The following CLYBL variants were observed in gnomAD, a reference collection of about 807,000 sequenced individuals.
CLYBL encodes citramalyl-CoA lyase.
In CLYBL, 31 loss-of-function variants were observed where a neutral mutation model predicts 38.9. That is an observed-to-expected ratio of 0.80 (90% confidence interval 0.60 to 1.08). The LOEUF is 1.08. CLYBL is among the 50% of genes least tolerant of loss of function. The pLI, the probability that CLYBL is intolerant of heterozygous loss-of-function variation, is 0.00. For synonymous variants in CLYBL, 171 were observed against 158.6 expected, an observed-to-expected ratio of 1.08 and a Z score of -0.59; for missense variants, 434 against 411.6, an observed-to-expected ratio of 1.05 and a Z score of -0.47.
intron 1 of CLYBL, among the ~76,000 whole-genome samples, chr13:99,641,540 G>A (rs1479533461): frequency 6.6e-6 from 1 of 151,586 alleles, no homozygotes; most frequent in African/African-American, 2.4e-5. Flanking sequence ...ACGGTGGCAG[G>A]CACCTGTAAT....
At chr13:99,731,206 A>T (rs1396949957) in intron 1 of CLYBL, among the ~76,000 whole-genome samples, 1 of 152,038 alleles carries the variant, frequency 6.6e-6, no homozygotes, top group Non-Finnish European at 1.5e-5. Context: ...AAAAATAAAC[A>T]TGGACAGAAA....
chr13:99,718,557 C>T (rs917408787), intron 1 of CLYBL, among the ~76,000 whole-genome samples: 2 of 152,066 alleles, frequency 1.3e-5, no homozygotes, highest in Non-Finnish European at 2.9e-5. Flanking sequence ...TTCCTGGACT[C>T]GTGTCTATGA....
At chr13:99,786,005 C>T (rs1362009370) in intron 2 of CLYBL, among the ~76,000 whole-genome samples, 3 of 151,912 alleles carry the variant, frequency 2.0e-5, no homozygotes, top group Admixed American at 6.6e-5. Flanking sequence ...GTCTCTGCCA[C>T]GTGTGAACCT....
At chr13:99,894,907 TAGGA>T, downstream of CLYBL, 1 of 152,160 alleles carries the variant, frequency 6.6e-6, no homozygotes. Flanking sequence ...GAGCACAAGT[TAGGA>T]AGTTTCTCGG....
chr13:99,864,781 T>C lies in CLYBL; in HGVS notation c.541-37T>C, dbSNP rs982049612. 6 of 1,457,862 alleles carry C rather than the reference T, an allele frequency of 4.1e-6. No homozygotes were observed. In the African/African-American group the frequency reaches 7.0e-5, roughly 17 times the overall value. The allele number at this position is 1,457,862 out of a possible 1,614,324, so 90.3% of individuals were successfully genotyped here. A position where few individuals can be genotyped will look rare whatever the true frequency, so the allele number is the denominator to read the frequency against. On this transcript the variant is annotated intron_variant, in intron 4 of 8. Coordinates refer to ENST00000339105, the MANE Select transcript of CLYBL (RefSeq NM_206808.5). ...GTGCCTCTTCCCTCTGACGCACGCG[T>C]TTCCGTGAGACTTAGTTCTGTTCTG...
intron 1 of CLYBL, among the ~76,000 whole-genome samples, chr13:99,607,869 G>A (rs9585144): frequency 0.033 from 4,974 of 152,008 alleles, 267 homozygotes; most frequent in African/African-American, 0.11. Context: ...TCAGCCTCCT[G>A]AGTGGCTGGC....
intron 1 of CLYBL, among the ~76,000 whole-genome samples, chr13:99,771,122 G>T (rs1395726022): frequency 1.4e-5 from 2 of 147,190 alleles, no homozygotes; most frequent in Non-Finnish European, 3.0e-5. Flanking sequence ...CAACCTCATC[G>T]ACCTTCTGGG....
chr13:99,887,658 C>G (rs910164238), intron 7 of CLYBL, among the ~76,000 whole-genome samples: 57 of 152,248 alleles, frequency 3.7e-4, no homozygotes, highest in African/African-American at 1.4e-3. Flanking sequence ...GAGGCTGAGG[C>G]AGGAGGATGG....
downstream of CLYBL, chr13:99,895,785 G>C (rs1345072369): frequency 2.0e-5 from 3 of 152,264 alleles, no homozygotes; most frequent in African/African-American, 7.2e-5. Flanking sequence ...GTTAGCGCCC[G>C]GGCGGCGGCG....
rs546583059 is a variant in CLYBL at position 99,741,113 on chromosome 13, T to C, written c.63-31711T>C. On this transcript the variant is annotated intron_variant, in intron 1 of 8. Transcript: ENST00000339105. ...GTTTTGGGTATTTCTAAAATGTTCT[T>C]TGTTAAAGTTTACACTTCCTTTCCC... 1.8e-4 allele frequency among the ~76,000 whole-genome samples: 27 copies of C among 152,358 alleles called. 1 individual carries two copies. In the South Asian group the frequency reaches 3.9e-3, roughly 22 times the overall value.
Position 99,864,786 on chromosome 13 carries a change from G to A in CLYBL, c.541-32G>A, listed in dbSNP as rs79423181. 3.0e-4 allele frequency: 448 copies of A among 1,502,338 alleles called. No homozygotes were observed. In the African/African-American group the frequency reaches 5.4e-3, roughly 18 times the overall value. The allele number at this position is 1,502,338 out of a possible 1,614,324, so 93.1% of individuals were successfully genotyped here. ...TCTTCCCTCTGACGCACGCGTTTCC[G>A]TGAGACTTAGTTCTGTTCTGCTCTT... On this transcript the variant is annotated intron_variant, in intron 4 of 8. Transcript: ENST00000339105.
chr13:99,643,669 G>T (rs2047128777), intron 1 of CLYBL, among the ~76,000 whole-genome samples: 1 of 152,254 alleles, frequency 6.6e-6, no homozygotes, highest in Non-Finnish European at 1.5e-5. Context: ...AAACCCATGA[G>T]TCATCTGGGA....
In CLYBL at chr13:99,869,101, A is replaced by G. The variant is rs764532615; in HGVS notation, c.803-1837A>G. On this transcript the variant is annotated intron_variant, in intron 6 of 8. Coordinates refer to ENST00000339105, the MANE Select transcript of CLYBL (RefSeq NM_206808.5). The surrounding 1 kb of genome is among the most constrained non-coding windows in gnomAD (Gnocchi z 4.3). ...AAGTCTGCTATACAGTTGTTGGAAT[A>G]TATAAGATGTGACAAAAGAGAACTT... Among the ~76,000 whole-genome samples, 23 of 152,210 alleles carry G rather than the reference A, an allele frequency of 1.5e-4. No individual in the cohort carries two copies. The highest frequency in any genetic ancestry group is 2.9e-4 in the Non-Finnish European group (20 of 68,024).
chr13:99,846,418 C>T (rs1203545449), intron 2 of CLYBL, among the ~76,000 whole-genome samples: 1 of 151,044 alleles, frequency 6.6e-6, no homozygotes. Context: ...TGTTTTAAAG[C>T]CCTGTCTACT....
At chr13:99,756,399 G>A (rs1208933905) in intron 1 of CLYBL, among the ~76,000 whole-genome samples, 1 of 152,188 alleles carries the variant, frequency 6.6e-6, no homozygotes, top group African/African-American at 2.4e-5. Context: ...GTACTTTGGA[G>A]TCTTTCTGGT....
At chr13:99,774,945 T>G (rs2049480597) in intron 2 of CLYBL, among the ~76,000 whole-genome samples, 1 of 152,222 alleles carries the variant, frequency 6.6e-6, no homozygotes, top group African/African-American at 2.4e-5. Flanking sequence ...CCCAGGGCAA[T>G]TCACTTTACT....
intron 1 of CLYBL, among the ~76,000 whole-genome samples, chr13:99,701,676 T>TA (rs2048069019): frequency 6.6e-6 from 1 of 151,448 alleles, no homozygotes; most frequent in South Asian, 2.1e-4. Context: ...TTTATTTATT[T>TA]TATTATTATT....
chr13:99,661,328 C>G lies in CLYBL; in HGVS notation c.62+54571C>G, dbSNP rs1379696768. On this transcript the variant is annotated intron_variant, in intron 1 of 8. Coordinates refer to ENST00000339105, the MANE Select transcript of CLYBL (RefSeq NM_206808.5). The stretch of plus-strand genomic sequence containing the variant: ...ACTTTTTACTCTTACTGTAGTTACT[C>G]TAGTTTTTTTAGTTAGACATGAGGG... Among the ~76,000 whole-genome samples, 8 of 152,238 alleles carry G rather than the reference C, an allele frequency of 5.3e-5. 1 individual carries two copies. Among genetic ancestry groups the G allele is most frequent in the East Asian group, 1.9e-4 (1 of 5,192 alleles).
intron 2 of CLYBL, among the ~76,000 whole-genome samples, chr13:99,782,379 C>T (rs138302378): frequency 5.3e-5 from 8 of 152,200 alleles, no homozygotes; most frequent in Middle Eastern, 3.4e-3. Flanking sequence ...TGGTGGTGCG[C>T]ACCTGTAGTC....
Sources: gnomAD v4.1 joint callset for allele counts (sites outside exome capture counted in the v4.1 genomes callset) on GRCh38, gnomAD v4.1.1 for gene constraint, Gnocchi (gnomAD v3.1) non-coding constraint, MANE v1.5 for transcripts, NCBI Gene and HGNC (gene_info 2026-07-23, HGNC 2026-07-21) for gene names.